TOPAZ1: variants seen among roughly 807,000 people sequenced by gnomAD.
TOPAZ1 encodes protein TOPAZ1.
A neutral mutation model predicts 172.2 loss-of-function variants in TOPAZ1; 66 were observed. That is an observed-to-expected ratio of 0.38 (90% CI 0.31 to 0.47). The LOEUF (loss-of-function observed/expected upper bound fraction) is 0.47, where lower values mean the gene tolerates loss of function less well. TOPAZ1 is among the 20% of genes least tolerant of loss of function. TOPAZ1 has a pLI of 0.99. For synonymous variants in TOPAZ1, 681 were observed against 683.9 expected, an observed-to-expected ratio of 1.00 and a Z score of 0.07; for missense variants, 1,822 against 1,972.4, an observed-to-expected ratio of 0.92 and a Z score of 1.44.
In TOPAZ1 at chr3:44,332,016, T is replaced by A; in HGVS notation, c.*5T>A. ...TGGCTTTTCAGTAACCATTAGCTAA[T>A]AAAGTCTGCTTTTTTTTTTTTTTTA... On this transcript the variant is annotated 3_prime_UTR_variant, in exon 20 of 20. Coordinates refer to ENST00000309765, the MANE Select transcript of TOPAZ1 (RefSeq NM_001145030.2). The A allele has an allele frequency of 6.7e-7, 1 of 1,488,486 alleles. No individual in the cohort carries two copies. Among genetic ancestry groups the A allele is most frequent in the Non-Finnish European group, 9.0e-7 (1 of 1,114,878 alleles). 92.2% of individuals were successfully genotyped at this position (1,488,486 alleles called of 1,614,324 possible).
rs1410536737 is a variant in TOPAZ1 at position 44,247,546 on chromosome 3, A to G, written c.2765+2275A>G. ...TATATTACTAAGCCTTGTGCCATGT[A>G]CATTCCTTCAATAACCTGAACTCCA... On this transcript the variant is annotated intron_variant, in intron 2 of 19. Coordinates refer to ENST00000309765, the MANE Select transcript of TOPAZ1 (RefSeq NM_001145030.2). Among the ~76,000 whole-genome samples the G allele has an allele frequency of 7.9e-5, 12 of 152,344 alleles. No individual in the cohort carries two copies. In the South Asian group the frequency reaches 2.3e-3, roughly 29 times the overall value.
At position 44,323,092 on chromosome 3, in the gene TOPAZ1, A is replaced by C; in HGVS notation, c.4472A>C (p.Glu1491Ala). 1 of 1,508,482 alleles carries C rather than the reference A, an allele frequency of 6.6e-7. No individual in the cohort carries two copies. The highest frequency in any genetic ancestry group is 8.9e-7 in the Non-Finnish European group (1 of 1,129,098). 93.4% of individuals were successfully genotyped at this position (1,508,482 alleles called of 1,614,324 possible). The change falls in exon 18 of 20, where the codon GAA becomes GCA. Residue 1491 changes from glutamate to alanine, a missense_variant and splice_region_variant. Around this residue, in one of 2 missense-constraint regions of TOPAZ1, gnomAD observed 333 missense variants for 481.7 expected, o/e 0.69. Coordinates refer to ENST00000309765, the MANE Select transcript of TOPAZ1 (RefSeq NM_001145030.2). ...QNLPGFQNSQ[E>A]TVEVSQYSLL... Reference sequence around the variant, plus strand: ...TATTATATCATTTTTTTTATTCCAGAAACTGTGGAAGTCTCACAATATAGC... The same window carrying C: ...TATTATATCATTTTTTTTATTCCAGCAACTGTGGAAGTCTCACAATATAGC...
At chr3:44,258,124 A>G (rs1699736079) in intron 4 of TOPAZ1, among the ~76,000 whole-genome samples, 1 of 152,120 alleles carries the variant, frequency 6.6e-6, no homozygotes, top group African/African-American at 2.4e-5. Flanking sequence ...TAGCTTCCTA[A>G]AGTTGCAGCC....
chr3:44,326,298 A>T (rs1453185273), intron 18 of TOPAZ1, among the ~76,000 whole-genome samples: 2 of 152,074 alleles, frequency 1.3e-5, no homozygotes, highest in African/African-American at 4.8e-5. Context: ...CTGTTTCTTT[A>T]TATCTTCACC....
intron 14 of TOPAZ1, 83 bp downstream of exon 14, chr3:44,305,404 T>C: frequency 8.1e-7 from 1 of 1,240,588 alleles, no homozygotes; most frequent in Non-Finnish European, 1.1e-6. Context: ...GGGTCTTCCT[T>C]TGTTACCCAG....
chr3:44,257,174 AT>A (rs1415617596), intron 4 of TOPAZ1, among the ~76,000 whole-genome samples: 1 of 151,180 alleles, frequency 6.6e-6, no homozygotes, highest in Non-Finnish European at 1.5e-5. Flanking sequence ...ACAAAAAAAA[AT>A]TTTTTTTTAA....
intron 8 of TOPAZ1, among the ~76,000 whole-genome samples, chr3:44,274,305 G>A (rs1390723743): frequency 6.6e-6 from 1 of 151,514 alleles, no homozygotes; most frequent in Non-Finnish European, 1.5e-5. Context: ...GGAGGCTGAG[G>A]TAGGAGTATC....
Position 44,254,994 on chromosome 3 carries a change from G to A in TOPAZ1, c.2792G>A (p.Trp931Ter). The stretch of plus-strand genomic sequence containing the variant: ...GAACTTCCTGTACTGGACTGTGGAT[G>A]GATAAAGCCAGACATCTGTGCTTCC... ...LRELPVLDCG[W>*]IKPDICASNS... is the part of the protein sequence containing the mutation. Residue 931 changes from tryptophan (W) to a stop codon, truncating the protein, a stop_gained, in exon 3 of 20, where the codon TGG becomes TAG. Coordinates refer to ENST00000309765, the MANE Select transcript of TOPAZ1 (RefSeq NM_001145030.2). LOFTEE classifies it high-confidence loss of function. The A allele has an allele frequency of 6.4e-7, 1 of 1,551,426 alleles. No individual in the cohort carries two copies. Among genetic ancestry groups the A allele is most frequent in the Non-Finnish European group, 8.7e-7 (1 of 1,146,768 alleles).
At chr3:44,265,920 C>G (rs1028058882) in intron 5 of TOPAZ1, among the ~76,000 whole-genome samples, 7 of 152,154 alleles carry the variant, frequency 4.6e-5, no homozygotes, top group African/African-American at 1.7e-4. Flanking sequence ...TATGAAAGTC[C>G]TAGATGGTAT....
intron 16 of TOPAZ1, among the ~76,000 whole-genome samples, chr3:44,315,103 A>AAGT (rs1553651874): frequency 1.1e-5 from 1 of 87,044 alleles, no homozygotes; most frequent in African/African-American, 3.5e-5. Context: ...ATATTAGTTG[A>AAGT]GGTGGATGGA....
At chr3:44,273,008 A>C (rs947398293) in intron 8 of TOPAZ1, among the ~76,000 whole-genome samples, 2 of 152,228 alleles carry the variant, frequency 1.3e-5, no homozygotes, top group African/African-American at 4.8e-5. Flanking sequence ...AATCTTAAAC[A>C]AACCAACAAC....
At chr3:44,263,511 G>C (rs924693578) in intron 5 of TOPAZ1, among the ~76,000 whole-genome samples, 1 of 152,052 alleles carries the variant, frequency 6.6e-6, no homozygotes, top group Non-Finnish European at 1.5e-5. Context: ...TTATGTTGCC[G>C]CTTTTGTTTT....
intron 17 of TOPAZ1, 112 bp from the exon 18 acceptor site, chr3:44,322,980 C>T: frequency 3.1e-6 from 2 of 645,372 alleles, no homozygotes; most frequent in Non-Finnish European, 5.1e-6. Context: ...ACTGTGAGTC[C>T]TATAATGGGT....
At chr3:44,322,552 C>T (rs1450598284) in intron 17 of TOPAZ1, among the ~76,000 whole-genome samples, 9 of 151,978 alleles carry the variant, frequency 5.9e-5, no homozygotes, top group East Asian at 5.8e-4. Context: ...AATGCTTTTT[C>T]GTTTCTGACT....
chr3:44,242,213 G>GC lies in TOPAZ1; in HGVS notation c.163dup (p.Arg55ProfsTer12), dbSNP rs1699487679. 5.2e-6 allele frequency: 8 copies of GC among 1,545,006 alleles called. No homozygotes were observed. Among genetic ancestry groups the GC allele is most frequent in the Non-Finnish European group, 7.0e-6 (8 of 1,145,090 alleles). On this transcript the variant is annotated frameshift_variant, in exon 1 of 20. Coordinates refer to ENST00000309765, the MANE Select transcript of TOPAZ1 (RefSeq NM_001145030.2). LOFTEE classifies it high-confidence loss of function. ...AAATAAGCAAAAGAGGAGAATGGTG[G>GC]CCCGGGCCACCCCTGGGAGAGGCGA...
At chr3:44,312,231 C>CA (rs1159011578) in intron 16 of TOPAZ1, among the ~76,000 whole-genome samples, 2,676 of 57,920 alleles carry the variant, frequency 0.046, 28 homozygotes, top group South Asian at 0.082. Context: ...ATTGCAAAGC[C>CA]AAAAAAAAAA....
chr3:44,266,359 T>G (rs1699830186), intron 5 of TOPAZ1, among the ~76,000 whole-genome samples: 1 of 152,232 alleles, frequency 6.6e-6, no homozygotes, highest in South Asian at 2.1e-4. Flanking sequence ...GAACTTTTCC[T>G]TTGCATTGAC....
chr3:44,289,572 T>C (rs1559538614), intron 11 of TOPAZ1, among the ~76,000 whole-genome samples: 1 of 152,178 alleles, frequency 6.6e-6, no homozygotes, highest in Non-Finnish European at 1.5e-5. Flanking sequence ...AGGGGCCGAG[T>C]ACCACTAAAT....
At position 44,243,694 on chromosome 3, in the gene TOPAZ1, A is replaced by G; in HGVS notation, c.1188A>G (p.Leu396=). The G allele has an allele frequency of 6.4e-7, 1 of 1,550,390 alleles. No homozygotes were observed. Among genetic ancestry groups the G allele is most frequent in the Non-Finnish European group, 8.7e-7 (1 of 1,146,860 alleles). Residue 396 remains leucine, a synonymous_variant, in exon 2 of 20, where the codon TTA becomes TTG. Transcript: ENST00000309765. ...HNTVSLMDHL[L]SVPETVEKET... is the part of the protein sequence containing the mutation. Reference sequence around the variant, plus strand: ...CAGTCTCTTTGATGGATCATTTATTAAGTGTCCCAGAAACAGTAGAAAAAG... The same window carrying G: ...CAGTCTCTTTGATGGATCATTTATTGAGTGTCCCAGAAACAGTAGAAAAAG...
Sources: allele counts gnomAD v4.1 joint callset (sites outside exome capture counted in the v4.1 genomes callset), GRCh38; gene constraint gnomAD v4.1.1; regional missense constraint gnomAD v4.1.1; transcripts MANE v1.5; gene names NCBI Gene and HGNC (gene_info 2026-07-23, HGNC 2026-07-21).